Variants in DUOX2 observed in about 807,000 individuals in gnomAD.
DUOX2 encodes the protein dual oxidase 2, also known as NADH/NADPH thyroid oxidase p138-tox.
A neutral mutation model predicts 183.3 loss-of-function variants in DUOX2; 185 were observed. The ratio of observed to expected loss-of-function variants is 1.01; its 90% CI spans 0.90 to 1.14. The LOEUF (loss-of-function observed/expected upper bound fraction) is 1.14. Ranked by LOEUF, DUOX2 falls within the 50% of genes most tolerant of loss-of-function variation. The pLI, the probability that DUOX2 is intolerant of heterozygous loss-of-function variation, is 0.00. For missense variants in DUOX2, 1,999 were observed against 2,022.9 expected, an observed-to-expected ratio of 0.99 and a Z score of 0.23; for synonymous variants, 788 against 812.4, an observed-to-expected ratio of 0.97 and a Z score of 0.51.
At chr15:45,096,581 T>A (rs1171332566) in intron 29 of DUOX2, among the ~76,000 whole-genome samples, 12 of 152,254 alleles carry the variant, frequency 7.9e-5, no homozygotes, top group Non-Finnish European at 1.5e-5. Context: ...AAATTTTAGC[T>A]GGATACTGTT....
intron 9 of DUOX2, among the ~76,000 whole-genome samples, 189 bp from the exon 10 acceptor site, chr15:45,110,169 G>A (rs996020948): frequency 6.6e-6 from 1 of 152,128 alleles, no homozygotes; most frequent in Non-Finnish European, 1.5e-5. Context: ...CAGGTAGGGT[G>A]GGGAGAGGAG....
Position 45,094,694 on chromosome 15 carries a change from G to T in DUOX2, c.4396-3C>A. 1 of 1,613,938 alleles carries T rather than the reference G, an allele frequency of 6.2e-7. No homozygotes were observed. On this transcript the variant is annotated splice_polypyrimidine_tract_variant and splice_region_variant and intron_variant, in intron 32 of 33. Transcript: ENST00000389039. ...TGGAAGTGCCGCTCGCAGATGTACT[G>T]GGGGCACAGGGGCAGGTCAGACCAA...
intron 25 of DUOX2, 61 bp downstream of exon 25, chr15:45,099,601 G>A: frequency 3.1e-6 from 5 of 1,600,312 alleles, no homozygotes; most frequent in Non-Finnish European, 3.4e-6. Flanking sequence ...TCTCCCCACT[G>A]TTTCCCCCAA....
At position 45,094,567 on chromosome 15, in the gene DUOX2, G is replaced by A. The variant is rs879026158; in HGVS notation, c.4520C>T (p.Pro1507Leu). 1.9e-6 allele frequency: 3 copies of A among 1,613,384 alleles called. No homozygotes were observed. Among genetic ancestry groups the A allele is most frequent in the South Asian group, 2.2e-5 (2 of 90,914 alleles). The change falls in exon 33 of 34, where the codon CCA becomes CTA. Residue 1507 changes from proline (P) to leucine (L), a missense_variant. Pro to Leu is a moderately conservative substitution (Grantham distance 98). Transcript: ENST00000389039. ...PFFNSLQEVH[P>L]QVRKIGVFSC... is the part of the protein sequence containing the mutation. ...GTGGGAGGGAGTGGGACTGACCTGT[G>A]GGTGGACCTCCTGCAGGGAGTTGAA...
At chr15:45,109,673 G>T in intron 10 of DUOX2, 47 bp from the exon 11 acceptor site, 1 of 1,594,700 alleles carries the variant, frequency 6.3e-7, no homozygotes, top group Non-Finnish European at 8.6e-7. Flanking sequence ...CCAAAACTCG[G>T]TCTCTCTCAG....
At chr15:45,097,810 C>G in intron 27 of DUOX2, 69 bp from the exon 28 acceptor site, 1 of 1,611,234 alleles carries the variant, frequency 6.2e-7, no homozygotes, top group Non-Finnish European at 8.5e-7. Flanking sequence ...GACAACAGCA[C>G]ATTCCCCTAT....
chr15:45,103,098 G>T (rs1894122669), intron 20 of DUOX2, among the ~76,000 whole-genome samples: 1 of 152,258 alleles, frequency 6.6e-6, no homozygotes, highest in Non-Finnish European at 1.5e-5. Context: ...GACATACCCA[G>T]TGAGGTACAG....
Position 45,101,989 on chromosome 15 carries a change from T to G in DUOX2, c.2655A>C (p.Arg885=). 2.5e-6 allele frequency: 4 copies of G among 1,614,010 alleles called. No individual in the cohort carries two copies. The highest frequency in any genetic ancestry group is 3.4e-6 in the Non-Finnish European group (4 of 1,179,994). ...LSKDEFFTMM[R]SFIEISNNCL... ...AGTTGTTGGAGATCTCGATGAAGGA[T>G]CTGGAGGAGGACCAGAGACACAGCA... The change falls in exon 21 of 34, where the codon CGA becomes CGC. Residue 885 remains arginine (R), a splice_region_variant and synonymous_variant. Transcript: ENST00000389039.
At chr15:45,096,312 C>G (rs999097287) in intron 29 of DUOX2, among the ~76,000 whole-genome samples, 2 of 152,170 alleles carry the variant, frequency 1.3e-5, no homozygotes, top group African/African-American at 4.8e-5. Flanking sequence ...ATGGAAGGCC[C>G]AGGCCTCATA....
Position 45,104,121 on chromosome 15 carries a change from C to A in DUOX2, c.2560+19G>T, listed in dbSNP as rs1420551822. On this transcript the variant is annotated intron_variant, in intron 19 of 33. Coordinates refer to ENST00000389039, the MANE Select transcript of DUOX2 (RefSeq NM_001363711.2). ...GACCCCTGGATTCTTGGATAGCCTGCCACCTCCCAGCCCCCTACCTTTCAT... is the reference window on the plus strand; with the variant it reads ...GACCCCTGGATTCTTGGATAGCCTGACACCTCCCAGCCCCCTACCTTTCAT... 6.2e-7 allele frequency: 1 copy of A among 1,614,108 alleles called. No homozygotes were observed. Among genetic ancestry groups the A allele is most frequent in the African/African-American group, 1.3e-5 (1 of 75,044 alleles).
In DUOX2 at chr15:45,098,053, T is replaced by C. The variant is rs775017655; in HGVS notation, c.3521A>G (p.Lys1174Arg). 46 of 1,613,930 alleles carry C rather than the reference T, an allele frequency of 2.9e-5. No homozygotes were observed. In the South Asian group the frequency reaches 4.3e-4, roughly 15 times the overall value. ...FPNVFVNDGS[K>R]LPQKFYWWFF... is the part of the protein sequence containing the mutation. ...CCACCAATAGAACTTCTGGGGAAGC[T>C]TGGACCTGGGGGGCAAAGGCACCTT... Residue 1174 changes from lysine to arginine, a missense_variant, in exon 27 of 34, where the codon AAG becomes AGG. By Grantham distance (26) the Lys-to-Arg change is conservative. Around this residue, in one of 3 missense-constraint regions of DUOX2, gnomAD observed 1,628 missense variants for 1,608.6 expected, o/e 1.01. Coordinates refer to ENST00000389039, the MANE Select transcript of DUOX2 (RefSeq NM_001363711.2).
At position 45,097,665 on chromosome 15, in the gene DUOX2, G is replaced by T. The variant is rs1348262999; in HGVS notation, c.3642C>A (p.Ser1214Arg). Residue 1214 changes from serine to arginine, a missense_variant, in exon 28 of 34, where the codon AGC becomes AGA. By Grantham distance (110) the Ser-to-Arg change is moderately radical. Coordinates refer to ENST00000389039, the MANE Select transcript of DUOX2 (RefSeq NM_001363711.2). ...GGTGGGTCAGCCAGAAGCCCCGGAA[G>T]CTGCGGCGGCGGAAGTGGTGGGAGG... The part of the protein sequence containing the change: ...VFASHHFRRR[S>R]FRGFWLTHHL... 4 of 1,614,262 alleles carry T rather than the reference G, an allele frequency of 2.5e-6. No homozygotes were observed. The highest frequency in any genetic ancestry group is 3.4e-6 in the Non-Finnish European group (4 of 1,180,048).
In DUOX2 at chr15:45,094,345, C is replaced by T. The variant is rs945061641; in HGVS notation, c.4525-73G>A. The T allele has an allele frequency of 1.6e-5, 25 of 1,605,396 alleles. No individual in the cohort carries two copies. In the African/African-American group the frequency reaches 2.9e-4, roughly 19 times the overall value. On this transcript the variant is annotated intron_variant, in intron 33 of 33. Transcript: ENST00000389039. ...CACTCTCCTTGGGAAAAGCTGCTTC[C>T]TGAGCCTGGCTGGAATGACTAAGGC...
intron 33 of DUOX2, 61 bp downstream of exon 33, chr15:45,094,502 G>A: frequency 6.4e-7 from 1 of 1,569,230 alleles, no homozygotes; most frequent in South Asian, 1.2e-5. Context: ...GGGTGCTTCA[G>A]GGCCAGGATG....
chr15:45,112,501 C>G, intron 4 of DUOX2, 53 bp downstream of exon 4: 3 of 1,599,238 alleles, frequency 1.9e-6, no homozygotes, highest in South Asian at 2.2e-5. Context: ...GCCCCTCCCC[C>G]AGGCTGAGCA....
chr15:45,095,833 G>T lies in DUOX2; in HGVS notation c.4075C>A (p.Pro1359Thr), dbSNP rs1424506821. 1 of 1,613,646 alleles carries T rather than the reference G, an allele frequency of 6.2e-7. No homozygotes were observed. The highest frequency in any genetic ancestry group is 2.2e-5 in the East Asian group (1 of 44,894). The stretch of plus-strand genomic sequence containing the variant: ...GGGTTCCCAGTGACGGGCACCTTTG[G>T]GTATCCAGCACAGCCATTGCCCTTT... ...SPKGNGCAGY[P>T]KLYLDGPFGE... The change falls in exon 30 of 34, where the codon CCA becomes ACA. Residue 1359 changes from proline (P) to threonine (T), a missense_variant. Pro to Thr is a conservative substitution (Grantham distance 38). This residue lies in a region of DUOX2 where 1,628 missense variants were observed against 1,608.6 expected (regional missense o/e 1.01). Transcript: ENST00000389039.
rs1894277083 is a variant in DUOX2 at position 45,108,179 on chromosome 15, TGG to T, written c.1440_1441del (p.Gln481AlafsTer34). ...GAGCCCCCCAAGGAGCAGCTCTAGC[TGG>T]GATAGGTCCTGGTTGTACAGGGCAG... On this transcript the variant is annotated frameshift_variant, in exon 13 of 34. Transcript: ENST00000389039. LOFTEE classifies it high-confidence loss of function. The T allele has an allele frequency of 3.7e-6, 6 of 1,614,174 alleles. No homozygotes were observed. The East Asian group carries it at 1.3e-4, about 36-fold the overall frequency.
chr15:45,105,026 G>A (rs1595524211), intron 18 of DUOX2, among the ~76,000 whole-genome samples: 2 of 152,150 alleles, frequency 1.3e-5, no homozygotes, highest in African/African-American at 4.8e-5. Flanking sequence ...TCACCATGTT[G>A]GCCATGCTAG....
Position 45,112,980 on chromosome 15 carries a change from A to G in DUOX2, c.160+7T>C, listed in dbSNP as rs755827616. On this transcript the variant is annotated splice_region_variant and intron_variant, in intron 3 of 33. Transcript: ENST00000389039. ...GGCCCCAGCACGCCCGGGCCCCCAG[A>G]ACGCACCAACAGCACCACGCTCGTG... 1.2e-6 allele frequency: 2 copies of G among 1,613,254 alleles called. No individual in the cohort carries two copies. The highest frequency in any genetic ancestry group is 1.7e-6 in the Non-Finnish European group (2 of 1,179,800).
Sources: allele counts gnomAD v4.1 joint callset (sites outside exome capture counted in the v4.1 genomes callset), GRCh38; gene constraint gnomAD v4.1.1; regional missense constraint gnomAD v4.1.1; transcripts MANE v1.5; gene names NCBI Gene and HGNC (gene_info 2026-07-23, HGNC 2026-07-21).